L2HGDH: variants seen among roughly 807,000 people sequenced by gnomAD.
L2HGDH encodes the protein L-2-hydroxyglutarate dehydrogenase, mitochondrial.
A neutral mutation model predicts 51.5 loss-of-function variants in L2HGDH; 34 were observed. The observed-to-expected ratio is 0.66, with a 90% CI of 0.50 to 0.88. The LOEUF (loss-of-function observed/expected upper bound fraction) is 0.88. Ranked by LOEUF, L2HGDH falls within the 40% of genes least tolerant of loss-of-function variation. L2HGDH has a pLI of 0.00. For missense variants in L2HGDH, 558 were observed against 571.9 expected, an observed-to-expected ratio of 0.98 and a Z score of 0.25; for synonymous variants, 198 against 197.9, an observed-to-expected ratio of 1.00 and a Z score of -0.01.
intron 4 of L2HGDH, among the ~76,000 whole-genome samples, chr14:50,289,314 T>A (rs891402481): frequency 6.6e-6 from 1 of 152,094 alleles, no homozygotes; most frequent in Admixed American, 6.6e-5. Flanking sequence ...AAATAATAAA[T>A]TAAATGTAAC....
intron 9 of L2HGDH, among the ~76,000 whole-genome samples, chr14:50,257,586 G>A (rs973723665): frequency 2.1e-4 from 32 of 152,020 alleles, no homozygotes; most frequent in African/African-American, 7.7e-4. Context: ...GCCTAGGCTG[G>A]TCTTGAACTC....
At chr14:50,269,014 A>G (rs1889512132) in intron 7 of L2HGDH, 149 bp downstream of exon 7, 1 of 679,814 alleles carries the variant, frequency 1.5e-6, no homozygotes, top group Middle Eastern at 4.0e-4. Flanking sequence ...AGATTTAGGG[A>G]TTTAACCACA....
intron 9 of L2HGDH, among the ~76,000 whole-genome samples, chr14:50,255,724 A>AT (rs1228300770): frequency 6.6e-6 from 1 of 151,916 alleles, no homozygotes; most frequent in African/African-American, 2.4e-5. Flanking sequence ...TAAAATTTCT[A>AT]TTTTTTTAAT....
chr14:50,302,737 G>T lies in L2HGDH; in HGVS notation c.256+165C>A, dbSNP rs2297994. Among the ~76,000 whole-genome samples the T allele has an allele frequency of 0.57, 86,636 of 151,804 alleles. 24,702 individuals are homozygous for T. The highest frequency in any genetic ancestry group is 0.66 in the East Asian group (3,403 of 5,172). On this transcript the variant is annotated intron_variant, in intron 2 of 9. Transcript: ENST00000267436. ...GACACGTCCTCCTTGTCCCACACTC[G>T]GCTTTAACCTCTCAAATAACCTATA...
At position 50,308,528 on chromosome 14, in the gene L2HGDH, G is replaced by T. The variant is rs73277340; in HGVS notation, c.140+3483C>A. On this transcript the variant is annotated intron_variant, in intron 1 of 9. Coordinates refer to ENST00000267436, the MANE Select transcript of L2HGDH (RefSeq NM_024884.3). The stretch of plus-strand genomic sequence containing the variant: ...GCATTGTTCAAACATCATTGCATCA[G>T]AGAAATGTAAATAAAAACCACAATG... Among the ~76,000 whole-genome samples, 734 of 152,270 alleles carry T rather than the reference G, an allele frequency of 4.8e-3. 6 individuals are homozygous for T. Among genetic ancestry groups the T allele is most frequent in the African/African-American group, 0.017 (696 of 41,554 alleles).
At chr14:50,268,460 A>G (rs528256566) in intron 7 of L2HGDH, among the ~76,000 whole-genome samples, 63 of 152,014 alleles carry the variant, frequency 4.1e-4, no homozygotes, top group Non-Finnish European at 6.6e-4. Context: ...TTCTGGGTAA[A>G]GGAAAAAAAA....
chr14:50,293,747 A>G (rs147761381), intron 4 of L2HGDH, among the ~76,000 whole-genome samples: 1 of 152,296 alleles, frequency 6.6e-6, no homozygotes, highest in Non-Finnish European at 1.5e-5. Flanking sequence ...ATAAACTTCA[A>G]TGTTATTAAC....
rs564618536 is a variant in L2HGDH at position 50,305,026 on chromosome 14, A to G, written c.141-2009T>C. ...AGTTTCAATTTCAAAATCCTTAGCA[A>G]AGCACATCAATTTGATTAGAATTGC... On this transcript the variant is annotated intron_variant, in intron 1 of 9. Transcript: ENST00000267436. Among the ~76,000 whole-genome samples the G allele has an allele frequency of 3.9e-5, 6 of 152,348 alleles. No homozygotes were observed. The East Asian group carries it at 9.6e-4, about 24-fold the overall frequency.
At chr14:50,289,865 C>G (rs534141616) in intron 4 of L2HGDH, among the ~76,000 whole-genome samples, 6 of 152,278 alleles carry the variant, frequency 3.9e-5, no homozygotes, top group Non-Finnish European at 5.9e-5. Context: ...TTATGTCTGT[C>G]TGACTTATCA....
chr14:50,281,548 T>C (rs1890271613), intron 5 of L2HGDH, among the ~76,000 whole-genome samples: 1 of 152,082 alleles, frequency 6.6e-6, no homozygotes, highest in Non-Finnish European at 1.5e-5. Flanking sequence ...GCCAAGATTA[T>C]GCCACTGCAC....
chr14:50,246,820 T>G lies in L2HGDH; in HGVS notation c.*238A>C. ...CTCAGCTCACCTCCGTCTGCTCGGT[T>G]CAATTGATTCTCCTGCCTCAGCCTC... On this transcript the variant is annotated 3_prime_UTR_variant, in exon 10 of 10. Transcript: ENST00000267436. 1 of 541,208 alleles carries G rather than the reference T, an allele frequency of 1.8e-6. No homozygotes were observed. The highest frequency in any genetic ancestry group is 3.1e-6 in the Non-Finnish European group (1 of 326,638). 33.5% of individuals were successfully genotyped at this position (541,208 alleles called of 1,614,324 possible). A position where few individuals can be genotyped will look rare whatever the true frequency, so the allele number is the denominator to read the frequency against.
At chr14:50,263,291 T>C (rs1208755678) in intron 9 of L2HGDH, among the ~76,000 whole-genome samples, 1 of 152,214 alleles carries the variant, frequency 6.6e-6, no homozygotes, top group East Asian at 1.9e-4. Flanking sequence ...CCCTTACTTA[T>C]AAGTGAGTGA....
At chr14:50,258,415 G>T (rs1472608148) in intron 9 of L2HGDH, among the ~76,000 whole-genome samples, 2 of 152,030 alleles carry the variant, frequency 1.3e-5, no homozygotes, top group Admixed American at 1.3e-4. Flanking sequence ...TAGAGACAAG[G>T]TCTCACTATA....
chr14:50,280,321 C>T (rs1340260397), intron 5 of L2HGDH, among the ~76,000 whole-genome samples: 5 of 151,938 alleles, frequency 3.3e-5, no homozygotes, highest in Non-Finnish European at 7.4e-5. Context: ...CACGTATCAC[C>T]ACACCCGGCT....
At chr14:50,303,164 C>CT in intron 1 of L2HGDH, 147 bp from the exon 2 acceptor site, 1 of 601,034 alleles carries the variant, frequency 1.7e-6, no homozygotes, top group Non-Finnish European at 3.1e-6. Context: ...TGGCTCACAC[C>CT]TGTAATCCCA....
At chr14:50,266,433 A>C (rs1889337304) in intron 8 of L2HGDH, among the ~76,000 whole-genome samples, 1 of 152,158 alleles carries the variant, frequency 6.6e-6, no homozygotes, top group South Asian at 2.1e-4. Flanking sequence ...GCTTGAGCCC[A>C]GGAGTTCGAG....
At chr14:50,300,458 C>T (rs1232584874) in intron 3 of L2HGDH, among the ~76,000 whole-genome samples, 1 of 152,050 alleles carries the variant, frequency 6.6e-6, no homozygotes, top group African/African-American at 2.4e-5. Context: ...CCACACCCGG[C>T]TAATTTTTAT....
intron 6 of L2HGDH, among the ~76,000 whole-genome samples, chr14:50,269,824 C>T (rs781779773): frequency 2.0e-5 from 3 of 152,070 alleles, no homozygotes; most frequent in African/African-American, 4.8e-5. Flanking sequence ...AGCAGAATAT[C>T]AAGAAAGACA....
chr14:50,242,837 A>G lies in L2HGDH; in HGVS notation c.*4221T>C. The G allele has an allele frequency of 1.0e-6, 1 of 985,454 alleles. No homozygotes were observed. The highest frequency in any genetic ancestry group is 1.7e-5 in the African/African-American group (1 of 57,362). 61.0% of individuals were successfully genotyped at this position (985,454 alleles called of 1,614,324 possible). On this transcript the variant is annotated 3_prime_UTR_variant, in exon 10 of 10. Coordinates refer to ENST00000267436, the MANE Select transcript of L2HGDH (RefSeq NM_024884.3). Reference sequence around the variant, plus strand: ...GCGCAGAAAGATGAGGAAACCTCTGACCAAGAAGTCTAGACACAGATTAAG... The same window carrying G: ...GCGCAGAAAGATGAGGAAACCTCTGGCCAAGAAGTCTAGACACAGATTAAG...
Sources: gnomAD v4.1 joint callset for allele counts (sites outside exome capture counted in the v4.1 genomes callset) on GRCh38, gnomAD v4.1.1 for gene constraint, MANE v1.5 for transcripts, NCBI Gene and HGNC (gene_info 2026-07-23, HGNC 2026-07-21) for gene names.